The following MALT1 variants were observed in gnomAD, a reference collection of about 807,000 sequenced individuals.
MALT1 encodes the protein MALT1 paracaspase, also known as mucosa-associated lymphoid tissue lymphoma translocation protein 1.
A neutral mutation model predicts 85.5 loss-of-function variants in MALT1; 36 were observed. The ratio of observed to expected loss-of-function variants is 0.42; its 90% confidence interval spans 0.32 to 0.56. The LOEUF is 0.56. MALT1 is among the 20% of genes least tolerant of loss of function. The pLI, the probability that MALT1 is intolerant of heterozygous loss-of-function variation, is 0.10. For missense variants in MALT1, 716 were observed against 981.6 expected (o/e 0.73, Z 3.62); for synonymous variants, 359 against 361.3 (o/e 0.99, Z 0.07).
At chr18:58,698,467 G>T (rs2054626673) in intron 3 of MALT1, among the ~76,000 whole-genome samples, 1 of 152,208 alleles carries the variant, frequency 6.6e-6, no homozygotes, top group African/African-American at 2.4e-5. Flanking sequence ...AGTAGCAGTA[G>T]CGTGGAGAAG....
chr18:58,734,522 C>T (rs1478020868), intron 12 of MALT1, 141 bp downstream of exon 12: 6 of 647,568 alleles, frequency 9.3e-6, no homozygotes, highest in Non-Finnish European at 1.7e-5. Context: ...CTCCTGGGCT[C>T]AAGCGATCCT....
chr18:58,753,660 T>C lies in MALT1; in HGVS notation c.*5818T>C, dbSNP rs1324268818. ...CTAAAAGATTAACAGCATTTATCTCTGGTGGGATAATTTTTCTTTGCTTGT... is the reference window on the plus strand; with the variant it reads ...CTAAAAGATTAACAGCATTTATCTCCGGTGGGATAATTTTTCTTTGCTTGT... On this transcript the variant is annotated 3_prime_UTR_variant, in exon 17 of 17. Coordinates refer to ENST00000649217, the MANE Select transcript of MALT1 (RefSeq NM_006785.4). 6.6e-6 allele frequency: 1 copy of C among 152,250 alleles called. No individual in the cohort carries two copies. The highest frequency in any genetic ancestry group is 1.5e-5 in the Non-Finnish European group (1 of 68,040). 9.4% of individuals were successfully genotyped at this position (152,250 alleles called of 1,614,324 possible). A position where few individuals can be genotyped will look rare whatever the true frequency, so the allele number is the denominator to read the frequency against.
At chr18:58,719,625 G>T (rs769026414) in intron 9 of MALT1, among the ~76,000 whole-genome samples, 44 of 152,180 alleles carry the variant, frequency 2.9e-4, no homozygotes, top group Non-Finnish European at 5.6e-4. Flanking sequence ...TTCACAGGTG[G>T]GGGTGACTGT....
intron 4 of MALT1, among the ~76,000 whole-genome samples, chr18:58,704,769 C>T (rs1472465905): frequency 6.7e-6 from 1 of 149,630 alleles, no homozygotes; most frequent in East Asian, 2.0e-4. Context: ...CTTTCATAAG[C>T]TTTTTTGTAT....
intron 4 of MALT1, among the ~76,000 whole-genome samples, chr18:58,702,263 A>G (rs1374082120): frequency 6.7e-6 from 1 of 150,020 alleles, no homozygotes; most frequent in African/African-American, 2.4e-5. Flanking sequence ...GCACACCTGT[A>G]GTCGCAGCAA....
chr18:58,710,981 A>C (rs202221672), intron 7 of MALT1, 28 bp downstream of exon 7: 31 of 1,530,100 alleles, frequency 2.0e-5, no homozygotes, highest in East Asian at 2.5e-5. Context: ...TTTGAAACCA[A>C]ATCTCCTGCA....
chr18:58,727,616 G>GTGTTTTTTTTTTT (rs2055077198), intron 10 of MALT1, among the ~76,000 whole-genome samples: 5 of 121,264 alleles, frequency 4.1e-5, no homozygotes, highest in African/African-American at 9.8e-5. Context: ...GGTTTTTTGT[G>GTGTTTTTTTTTTT]TTTTTTTTTT....
chr18:58,744,237 T>C, intron 14 of MALT1, 101 bp from the exon 15 acceptor site: 2 of 717,222 alleles, frequency 2.8e-6, no homozygotes, highest in East Asian at 2.7e-5. Context: ...ATGTAAATCA[T>C]GTTTTTAAGC....
chr18:58,725,017 C>G (rs1034679815), intron 10 of MALT1, among the ~76,000 whole-genome samples: 1 of 151,758 alleles, frequency 6.6e-6, no homozygotes, highest in African/African-American at 2.4e-5. Context: ...GTAATCCCAG[C>G]TACTCAAGAG....
intron 9 of MALT1, among the ~76,000 whole-genome samples, chr18:58,720,394 AG>A (rs539756423): frequency 3.0e-4 from 45 of 152,206 alleles, no homozygotes; most frequent in Non-Finnish European, 5.6e-4. Context: ...CCTGTCACCC[AG>A]GAACTGTTTT....
chr18:58,748,031 T>C lies in MALT1; in HGVS notation c.*189T>C. ...TATTTAATTACAGACTTCCTCTTTC[T>C]AAGATTTTGTGAATTGGTTGAATAG... On this transcript the variant is annotated 3_prime_UTR_variant, in exon 17 of 17. Transcript: ENST00000649217. The C allele has an allele frequency of 1.7e-6, 1 of 571,682 alleles. No individual in the cohort carries two copies. The highest frequency in any genetic ancestry group is 2.9e-5 in the East Asian group (1 of 33,968). 35.4% of individuals were successfully genotyped at this position (571,682 alleles called of 1,614,324 possible).
intron 8 of MALT1, 148 bp downstream of exon 8, chr18:58,714,257 A>T: frequency 2.2e-6 from 1 of 457,794 alleles, no homozygotes; most frequent in Non-Finnish European, 3.9e-6. Flanking sequence ...AATTAACTAC[A>T]TGAAGTACAA....
intron 10 of MALT1, among the ~76,000 whole-genome samples, chr18:58,723,680 G>T (rs1351833189): frequency 1.3e-5 from 2 of 152,086 alleles, no homozygotes; most frequent in Non-Finnish European, 2.9e-5. Context: ...CTATTGCATG[G>T]TCTTTTCTAG....
intron 4 of MALT1, among the ~76,000 whole-genome samples, chr18:58,706,733 A>G (rs1405052126): frequency 6.6e-6 from 1 of 152,214 alleles, no homozygotes; most frequent in African/African-American, 2.4e-5. Flanking sequence ...TTCGTCGTGT[A>G]TAGAATTTTA....
chr18:58,704,130 C>T (rs1252264861), intron 4 of MALT1, among the ~76,000 whole-genome samples: 4 of 152,150 alleles, frequency 2.6e-5, no homozygotes, highest in African/African-American at 7.2e-5. Context: ...AATAAAGCTA[C>T]GATGAATATT....
chr18:58,751,762 C>T lies in MALT1; in HGVS notation c.*3920C>T, dbSNP rs944976079. ...GAGCAAGTAAAGGCTCACCCAAATT[C>T]AAAGCCAATACTTGATGCTGAGAGG... is the stretch of plus-strand genomic sequence containing the variant. On this transcript the variant is annotated 3_prime_UTR_variant, in exon 17 of 17. Coordinates refer to ENST00000649217, the MANE Select transcript of MALT1 (RefSeq NM_006785.4). 6.6e-6 allele frequency: 1 copy of T among 152,132 alleles called. No individual in the cohort carries two copies. Among genetic ancestry groups the T allele is most frequent in the Non-Finnish European group, 1.5e-5 (1 of 68,026 alleles). 9.4% of individuals were successfully genotyped at this position (152,132 alleles called of 1,614,324 possible).
intron 1 of MALT1, 101 bp from the exon 2 acceptor site, chr18:58,681,069 A>G (rs963695545): frequency 1.2e-5 from 11 of 933,550 alleles, no homozygotes; most frequent in African/African-American, 1.2e-4. Context: ...CCACCCACTC[A>G]CTTGTGATTT....
chr18:58,739,323 A>C (rs1291545005), intron 13 of MALT1, among the ~76,000 whole-genome samples: 1 of 152,172 alleles, frequency 6.6e-6, no homozygotes, highest in Non-Finnish European at 1.5e-5. Context: ...AAATAAAATT[A>C]GTATTTAGTG....
intron 14 of MALT1, among the ~76,000 whole-genome samples, chr18:58,743,340 C>T (rs1430616422): frequency 1.3e-5 from 2 of 152,200 alleles, no homozygotes; most frequent in Non-Finnish European, 2.9e-5. Context: ...CACGCCATTG[C>T]ACTCCAGCCT....
Sources: allele counts gnomAD v4.1 joint callset (sites outside exome capture counted in the v4.1 genomes callset), GRCh38; gene constraint gnomAD v4.1.1; transcripts MANE v1.5; gene names NCBI Gene and HGNC (gene_info 2026-07-23, HGNC 2026-07-21).